Variants in GABRB1 observed in about 807,000 individuals in gnomAD.
The protein encoded by GABRB1 is gamma-aminobutyric acid receptor subunit beta-1.
In GABRB1, 17 loss-of-function variants were observed where a neutral mutation model predicts 51.6. The observed-to-expected ratio is 0.33, with a 90% CI of 0.23 to 0.49. The LOEUF (loss-of-function observed/expected upper bound fraction) is 0.49, where lower values mean the gene tolerates loss of function less well. Ranked by LOEUF, GABRB1 falls within the 20% of genes least tolerant of loss-of-function variation. The probability of loss-of-function intolerance (pLI) is 0.99; values close to 1 mark genes in which losing one functional copy is unlikely to be tolerated. For synonymous variants in GABRB1, 247 were observed against 218.9 expected, an observed-to-expected ratio of 1.13 and a Z score of -1.14; for missense variants, 410 against 600.6, an observed-to-expected ratio of 0.68 and a Z score of 3.32.
At chr4:47,035,936 G>A (rs1480453071) in intron 3 of GABRB1, among the ~76,000 whole-genome samples, 3 of 152,136 alleles carry the variant, frequency 2.0e-5, no homozygotes, top group South Asian at 4.1e-4. Flanking sequence ...TTACCAAGTA[G>A]GAGTTCCAAC....
At chr4:47,409,822 A>G (rs570068205) in intron 8 of GABRB1, among the ~76,000 whole-genome samples, 2 of 152,180 alleles carry the variant, frequency 1.3e-5, no homozygotes, top group Non-Finnish European at 2.9e-5. Context: ...TTAAGCAAAC[A>G]CTTTCAGCTT....
chr4:47,171,740 T>C (rs1718441852), intron 4 of GABRB1, among the ~76,000 whole-genome samples: 1 of 152,152 alleles, frequency 6.6e-6, no homozygotes, highest in Non-Finnish European at 1.5e-5. Flanking sequence ...ACAATGATAG[T>C]TCCTCATTTA....
At chr4:47,363,641 C>T (rs773605464) in intron 5 of GABRB1, among the ~76,000 whole-genome samples, 9 of 152,122 alleles carry the variant, frequency 5.9e-5, no homozygotes, top group Non-Finnish European at 1.0e-4. Flanking sequence ...TTACAGGTTT[C>T]GTCCATTTTA....
intron 3 of GABRB1, among the ~76,000 whole-genome samples, chr4:47,065,674 G>A (rs1352928118): frequency 6.6e-6 from 1 of 152,126 alleles, no homozygotes; most frequent in Non-Finnish European, 1.5e-5. Flanking sequence ...CTTCAAATTA[G>A]CCAAACACTG....
chr4:47,122,657 T>G (rs952887588), intron 3 of GABRB1, among the ~76,000 whole-genome samples: 9 of 152,136 alleles, frequency 5.9e-5, no homozygotes, highest in African/African-American at 2.2e-4. Context: ...CAGGAGCTAA[T>G]GTCTCTGAGG....
intron 5 of GABRB1, among the ~76,000 whole-genome samples, chr4:47,394,704 G>A (rs544016890): frequency 1.8e-4 from 27 of 151,784 alleles, no homozygotes; most frequent in South Asian, 1.2e-3. Flanking sequence ...TTCCTGAATG[G>A]ATTTTGCTGA....
intron 3 of GABRB1, among the ~76,000 whole-genome samples, chr4:47,128,456 A>G (rs1446168016): frequency 1.3e-5 from 2 of 151,954 alleles, no homozygotes; most frequent in African/African-American, 4.8e-5. Context: ...AGAGGATAAG[A>G]TACAAATTAT....
At chr4:47,153,142 G>A (rs1419148032) in intron 3 of GABRB1, among the ~76,000 whole-genome samples, 1 of 152,012 alleles carries the variant, frequency 6.6e-6, no homozygotes, top group Non-Finnish European at 1.5e-5. Flanking sequence ...TCCCCCACTA[G>A]CCTATGAGTT....
chr4:47,410,471 G>A (rs1336018587), intron 8 of GABRB1, among the ~76,000 whole-genome samples: 3 of 152,182 alleles, frequency 2.0e-5, no homozygotes, highest in Non-Finnish European at 2.9e-5. Flanking sequence ...CTGAAGCCAT[G>A]TCCCAGACTG....
chr4:47,094,472 C>T (rs1329815712), intron 3 of GABRB1, among the ~76,000 whole-genome samples: 1 of 151,926 alleles, frequency 6.6e-6, no homozygotes, highest in Non-Finnish European at 1.5e-5. Flanking sequence ...ATCCACCCGC[C>T]TCGGCCTCCC....
chr4:47,197,282 C>A (rs1282155066), intron 4 of GABRB1, among the ~76,000 whole-genome samples: 4 of 152,118 alleles, frequency 2.6e-5, no homozygotes, highest in Non-Finnish European at 5.9e-5. Context: ...GGTTTTGTGC[C>A]ATTTAAGTCT....
chr4:47,128,149 T>C (rs891437570), intron 3 of GABRB1, among the ~76,000 whole-genome samples: 3 of 151,798 alleles, frequency 2.0e-5, no homozygotes, highest in African/African-American at 7.2e-5. Flanking sequence ...GATGTAATCT[T>C]CAAACACAAA....
At chr4:47,027,092 A>T (rs1488364743), upstream of GABRB1, among the ~76,000 whole-genome samples, 3 of 151,754 alleles carry the variant, frequency 2.0e-5, no homozygotes, top group African/African-American at 7.2e-5. Flanking sequence ...TGTTAACTAT[A>T]CTTATTAATG....
intron 5 of GABRB1, among the ~76,000 whole-genome samples, chr4:47,364,281 C>A (rs953735056): frequency 1.3e-5 from 2 of 152,118 alleles, no homozygotes; most frequent in Admixed American, 6.6e-5. Context: ...ACAAAGGCCT[C>A]CAAACTGTCC....
At chr4:47,009,524 A>G (rs1724528108) in intron 1 of GABRB1, among the ~76,000 whole-genome samples, 1 of 152,206 alleles carries the variant, frequency 6.6e-6, no homozygotes, top group South Asian at 2.1e-4. Context: ...AGTTTTTTTA[A>G]GAAGAAAAAA....
chr4:47,414,756 ACTTT>A (rs1728860402), intron 8 of GABRB1, among the ~76,000 whole-genome samples: 1 of 152,176 alleles, frequency 6.6e-6, no homozygotes. Context: ...CTTTCAGACA[ACTTT>A]CTAAATGTAA....
intron 3 of GABRB1, among the ~76,000 whole-genome samples, chr4:47,119,697 C>T (rs1715677550): frequency 6.6e-6 from 1 of 151,890 alleles, no homozygotes; most frequent in Non-Finnish European, 1.5e-5. Context: ...TTAGCAGAGA[C>T]AAGGTTTCTC....
chr4:47,290,116 G>C (rs986131504), intron 4 of GABRB1, among the ~76,000 whole-genome samples: 1 of 152,220 alleles, frequency 6.6e-6, no homozygotes, highest in Non-Finnish European at 1.5e-5. Flanking sequence ...TCAAATTAAT[G>C]AAATGCAGTT....
chr4:47,155,144 G>GACTGTC, intron 3 of GABRB1, among the ~76,000 whole-genome samples: 1 of 152,174 alleles, frequency 6.6e-6, no homozygotes, highest in East Asian at 1.9e-4. Context: ...GATAGAATGT[G>GACTGTC]ACTCTGTTCA....
Sources: allele counts gnomAD v4.1 joint callset (sites outside exome capture counted in the v4.1 genomes callset), GRCh38; gene constraint gnomAD v4.1.1; transcripts MANE v1.5; gene names NCBI Gene and HGNC (gene_info 2026-07-23, HGNC 2026-07-21).